Variants in HECTD4 observed in about 807,000 individuals in gnomAD.
HECTD4 encodes the protein probable E3 ubiquitin-protein ligase HECTD4.
A neutral mutation model predicts 471.5 loss-of-function variants in HECTD4; 114 were observed. That is an observed-to-expected ratio of 0.24 (90% confidence interval 0.21 to 0.28). The LOEUF is 0.28. HECTD4 is among the 10% of genes least tolerant of loss of function. The pLI is 1.00. For synonymous variants in HECTD4, 2,012 were observed against 2,256.0 expected (o/e 0.89, Z 3.07); for missense variants, 3,866 against 5,651.5 (o/e 0.68, Z 10.13).
chr12:112,372,825 G>A lies in HECTD4; in HGVS notation c.177+9127C>T, dbSNP rs564109939. Among the ~76,000 whole-genome samples, 8 of 152,086 alleles carry A rather than the reference G, an allele frequency of 5.3e-5. No individual in the cohort carries two copies. The South Asian group carries it at 1.2e-3, about 24-fold the overall frequency. On this transcript the variant is annotated intron_variant, in intron 1 of 75. Coordinates refer to ENST00000682272, the MANE Select transcript of HECTD4 (RefSeq NM_001388303.1). The stretch of plus-strand genomic sequence containing the variant: ...AGGCTGGAGTACAGTGACAGTCTTC[G>A]CCTACTACAACCTTTGCCTCCTAGG...
rs11066218 is a variant in HECTD4, at chr12:112,257,629, T to C, written c.3128+867A>G. Among the ~76,000 whole-genome samples, 8,465 of 152,268 alleles carry C rather than the reference T, an allele frequency of 0.056. 1,292 individuals are homozygous for C. In the East Asian group the frequency reaches 0.61, roughly 11 times the overall value. ...GGCTTCTTTCACTCAGGGTTAAGTA[T>C]TTTGAGATTATATAAACATTGTTGT... On this transcript the variant is annotated intron_variant, in intron 20 of 75. Transcript: ENST00000682272.
intron 1 of HECTD4, among the ~76,000 whole-genome samples, chr12:112,326,348 C>T (rs928127916): frequency 6.6e-6 from 1 of 152,034 alleles, no homozygotes; most frequent in Admixed American, 6.6e-5. Flanking sequence ...AAATAATTAG[C>T]TGGGTGTGGT....
intron 1 of HECTD4, among the ~76,000 whole-genome samples, chr12:112,339,177 C>T (rs763318033): frequency 1.3e-5 from 2 of 151,854 alleles, no homozygotes; most frequent in African/African-American, 2.4e-5. Flanking sequence ...GTGGAAACAA[C>T]CCAAATATCC....
rs1006555348 is a variant in HECTD4, at chr12:112,194,024, G to A, written c.8750-350C>T. Among the ~76,000 whole-genome samples the A allele has an allele frequency of 2.0e-5, 3 of 152,176 alleles. No individual in the cohort carries two copies. Among genetic ancestry groups the A allele is most frequent in the African/African-American group, 4.8e-5 (2 of 41,438 alleles). On this transcript the variant is annotated intron_variant, in intron 56 of 75. Transcript: ENST00000682272. The surrounding 1 kb of genome is among the most constrained non-coding windows in gnomAD (Gnocchi z 4.6). ...TGTCTGACTACTCTGGCCCACCCCC[G>A]CAGGGTACCTTAGGGCACAGCCTGT...
At chr12:112,356,954 A>G (rs1338134056) in intron 1 of HECTD4, among the ~76,000 whole-genome samples, 2 of 152,190 alleles carry the variant, frequency 1.3e-5, no homozygotes, top group African/African-American at 2.4e-5. Context: ...TTATCTTGTC[A>G]TTACATTAAC....
In HECTD4 at chr12:112,172,588, A is replaced by T. The variant is rs532878622; in HGVS notation, c.11785+83T>A. 5.1e-4 allele frequency: 694 copies of T among 1,363,172 alleles called. 5 individuals are homozygous for T. In the African/African-American group the frequency reaches 8.8e-3, roughly 17 times the overall value. The allele number at this position is 1,363,172 out of a possible 1,614,324, so 84.4% of individuals were successfully genotyped here. On this transcript the variant is annotated intron_variant, in intron 67 of 75. Coordinates refer to ENST00000682272, the MANE Select transcript of HECTD4 (RefSeq NM_001388303.1). Reference sequence around the variant, plus strand: ...TGTTCGTTCGATGGACGTCTAAATGAATCTAGCCCTTGTAAATGCCCCTTG... The same window carrying T: ...TGTTCGTTCGATGGACGTCTAAATGTATCTAGCCCTTGTAAATGCCCCTTG...
intron 29 of HECTD4, among the ~76,000 whole-genome samples, chr12:112,244,967 GA>G (rs1016032258): frequency 4.2e-4 from 64 of 151,716 alleles, no homozygotes; most frequent in African/African-American, 1.3e-3. Context: ...GAAAGTGCAG[GA>G]AAAAAAACAT....
intron 1 of HECTD4, among the ~76,000 whole-genome samples, chr12:112,367,303 A>AC (rs2036580925): frequency 8.0e-6 from 1 of 125,562 alleles, no homozygotes; most frequent in Non-Finnish European, 1.6e-5. Context: ...GGTCTCAAAA[A>AC]AAAAAAGAAA....
At chr12:112,170,950 G>A in intron 68 of HECTD4, 167 bp downstream of exon 68, 1 of 560,588 alleles carries the variant, frequency 1.8e-6, no homozygotes, top group Non-Finnish European at 3.1e-6. Flanking sequence ...ACTTCCCTTG[G>A]GTGGGCCTGT....
At chr12:112,177,377 A>AT (rs766400935) in intron 64 of HECTD4, among the ~76,000 whole-genome samples, 3,508 of 127,130 alleles carry the variant, frequency 0.028, 169 homozygotes, top group African/African-American at 0.08. Context: ...TTATGAGGCT[A>AT]TTTTTTTTTT....
In HECTD4 at chr12:112,228,544, G is replaced by T; in HGVS notation, c.6684+103C>A. The T allele has an allele frequency of 9.5e-7, 1 of 1,047,960 alleles. No individual in the cohort carries two copies. Among genetic ancestry groups the T allele is most frequent in the Non-Finnish European group, 1.4e-6 (1 of 736,248 alleles). 64.9% of individuals were successfully genotyped at this position (1,047,960 alleles called of 1,614,324 possible). On this transcript the variant is annotated intron_variant, in intron 42 of 75. Coordinates refer to ENST00000682272, the MANE Select transcript of HECTD4 (RefSeq NM_001388303.1). The surrounding 1 kb of genome is among the most constrained non-coding windows in gnomAD (Gnocchi z 4.9). Reference sequence around the variant, plus strand: ...AATATACATCACAAGTACAATTTAAGATAATCAAGCATTTGTGCTTCTGCA... The same window carrying T: ...AATATACATCACAAGTACAATTTAATATAATCAAGCATTTGTGCTTCTGCA...
At chr12:112,222,359 C>T (rs927778478) in intron 44 of HECTD4, among the ~76,000 whole-genome samples, 5 of 152,142 alleles carry the variant, frequency 3.3e-5, no homozygotes, top group African/African-American at 4.8e-5. Context: ...ACCTGGCCCT[C>T]ATTTTTCTAA....
At chr12:112,308,681 C>T in intron 6 of HECTD4, 72 bp downstream of exon 6, 1 of 1,315,268 alleles carries the variant, frequency 7.6e-7, no homozygotes. Flanking sequence ...ATTATTATTA[C>T]TTCTGATGAT....
chr12:112,272,249 C>T (rs1324096534), intron 11 of HECTD4, among the ~76,000 whole-genome samples: 2 of 152,260 alleles, frequency 1.3e-5, no homozygotes, highest in South Asian at 2.1e-4. Context: ...GGGGTTTCCC[C>T]GTGTTGGCCA....
intron 60 of HECTD4, 40 bp downstream of exon 60, chr12:112,190,746 C>T: frequency 6.6e-7 from 1 of 1,521,800 alleles, no homozygotes; most frequent in Non-Finnish European, 8.9e-7. Context: ...CCAGCTCCAC[C>T]CCCACCCTAG....
chr12:112,349,946 A>ATTTTTC lies in HECTD4; in HGVS notation c.178-30210_178-30205dup, dbSNP rs1211875045. On this transcript the variant is annotated intron_variant, in intron 1 of 75. Coordinates refer to ENST00000682272, the MANE Select transcript of HECTD4 (RefSeq NM_001388303.1). ...TTGGAAAGGCTATCAATAATATGAT[A>ATTTTTC]TTTTTCTTTTTCTTTTTCTTTTTTT... Among the ~76,000 whole-genome samples, 10 of 152,056 alleles carry ATTTTTC rather than the reference A, an allele frequency of 6.6e-5. No individual in the cohort carries two copies. In the South Asian group the frequency reaches 1.9e-3, roughly 28 times the overall value.
intron 19 of HECTD4, 104 bp downstream of exon 19, chr12:112,259,008 G>T: frequency 2.0e-6 from 2 of 1,002,296 alleles, no homozygotes; most frequent in South Asian, 1.9e-5. Flanking sequence ...CTTGGTTTCT[G>T]AAAGGCAGGA....
At chr12:112,165,069 C>T (rs544961944) in intron 72 of HECTD4, among the ~76,000 whole-genome samples, 240 of 151,704 alleles carry the variant, frequency 1.6e-3, no homozygotes, top group African/African-American at 5.6e-3. Context: ...TACAGGCACC[C>T]GCCACCATGC....
intron 1 of HECTD4, among the ~76,000 whole-genome samples, chr12:112,362,981 C>T (rs1296259077): frequency 6.6e-6 from 1 of 152,182 alleles, no homozygotes; most frequent in Non-Finnish European, 1.5e-5. Context: ...GGATTACAGG[C>T]ATGAGCCACT....
Sources: gnomAD v4.1 joint callset for allele counts (sites outside exome capture counted in the v4.1 genomes callset) on GRCh38, gnomAD v4.1.1 for gene constraint, Gnocchi (gnomAD v3.1) non-coding constraint, MANE v1.5 for transcripts, NCBI Gene and HGNC (gene_info 2026-07-23, HGNC 2026-07-21) for gene names.